The following ANO2 variants were observed in gnomAD, a reference collection of about 807,000 sequenced individuals.
ANO2 encodes the protein anoctamin-2.
Under a neutral mutation model 124.2 loss-of-function variants are expected in ANO2, and 101 were observed. That is an observed-to-expected ratio of 0.81 (90% CI 0.69 to 0.96). ANO2 has a LOEUF of 0.96. ANO2 is among the 40% of genes least tolerant of loss of function. The pLI is 0.00. For synonymous variants in ANO2, 486 were observed against 482.5 expected (o/e 1.01, Z -0.09); for missense variants, 1,293 against 1,274.5 (o/e 1.01, Z -0.22).
intron 10 of ANO2, among the ~76,000 whole-genome samples, chr12:5,786,250 T>C (rs997930748): frequency 1.1e-4 from 16 of 152,150 alleles, no homozygotes; most frequent in Non-Finnish European, 1.5e-4. Flanking sequence ...AAGTTAGTCC[T>C]GGAAGGAATG....
chr12:5,860,632 T>C (rs1955237970), intron 3 of ANO2, among the ~76,000 whole-genome samples: 1 of 152,204 alleles, frequency 6.6e-6, no homozygotes, highest in South Asian at 2.1e-4. Context: ...ATAATTCAAT[T>C]ACCCTTAAGT....
At chr12:5,852,767 A>G (rs1350789005) in intron 4 of ANO2, among the ~76,000 whole-genome samples, 7 of 152,096 alleles carry the variant, frequency 4.6e-5, no homozygotes, top group Admixed American at 2.0e-4. Context: ...GGGCAGCATG[A>G]AAACTATGAT....
chr12:5,678,404 C>T (rs1488554128), intron 14 of ANO2, among the ~76,000 whole-genome samples: 2 of 152,276 alleles, frequency 1.3e-5, no homozygotes, highest in African/African-American at 2.4e-5. Context: ...ATCCTCAGGG[C>T]GCCAACTGGG....
chr12:5,759,483 C>G (rs894449796), intron 10 of ANO2, among the ~76,000 whole-genome samples: 2 of 151,864 alleles, frequency 1.3e-5, no homozygotes, highest in Non-Finnish European at 2.9e-5. Context: ...GGAACCAGGC[C>G]ACACAGCAGG....
intron 10 of ANO2, among the ~76,000 whole-genome samples, chr12:5,775,216 C>A (rs188671143): frequency 1.3e-5 from 2 of 152,200 alleles, no homozygotes; most frequent in African/African-American, 4.8e-5. Flanking sequence ...AATTTCACCT[C>A]CCTTTTCTAC....
chr12:5,750,703 AT>A (rs1440098256), intron 11 of ANO2, 132 bp downstream of exon 11: 1 of 945,606 alleles, frequency 1.1e-6, no homozygotes, highest in Non-Finnish European at 1.5e-6. Flanking sequence ...GGAAAGCTAC[AT>A]GTGTCATAGC....
intron 20 of ANO2, among the ~76,000 whole-genome samples, chr12:5,597,110 C>A (rs773251060): frequency 2.6e-5 from 4 of 151,962 alleles, no homozygotes; most frequent in Non-Finnish European, 2.9e-5. Context: ...CTTTTTTTAA[C>A]TTTTAAGTTT....
At chr12:5,749,172 C>T (rs571060112) in intron 11 of ANO2, among the ~76,000 whole-genome samples, 1 of 152,178 alleles carries the variant, frequency 6.6e-6, no homozygotes, top group Non-Finnish European at 1.5e-5. Context: ...CACTGATGCA[C>T]GCATACCCTT....
chr12:5,731,300 C>T (rs1950622174), intron 14 of ANO2, among the ~76,000 whole-genome samples: 1 of 150,954 alleles, frequency 6.6e-6, no homozygotes, highest in Non-Finnish European at 1.5e-5. Flanking sequence ...ACTTGGTCTT[C>T]GTCTAGGAAA....
intron 1 of ANO2, among the ~76,000 whole-genome samples, chr12:5,944,121 G>A (rs1036539035): frequency 2.0e-5 from 3 of 152,222 alleles, no homozygotes; most frequent in Non-Finnish European, 2.9e-5. Flanking sequence ...AAGACACACT[G>A]AGAGGAGCAA....
intron 3 of ANO2, among the ~76,000 whole-genome samples, chr12:5,861,751 T>C (rs944882390): frequency 6.6e-6 from 1 of 152,104 alleles, no homozygotes; most frequent in Non-Finnish European, 1.5e-5. Context: ...ACAGACTCCC[T>C]TGGACTCCCC....
At chr12:5,886,298 T>C (rs150369556) in intron 3 of ANO2, among the ~76,000 whole-genome samples, 1 of 152,312 alleles carries the variant, frequency 6.6e-6, no homozygotes, top group East Asian at 1.9e-4. Flanking sequence ...TATTCAGCCT[T>C]AAAAAGGAAG....
chr12:5,729,999 A>C (rs1297854873), intron 14 of ANO2, among the ~76,000 whole-genome samples: 3 of 152,238 alleles, frequency 2.0e-5, no homozygotes, highest in Non-Finnish European at 4.4e-5. Flanking sequence ...CGGCTTGGCA[A>C]CTATTGGGTA....
rs1355179144 is a variant in ANO2, at chr12:5,862,937, C to T, written c.535-8796G>A. Among the ~76,000 whole-genome samples the T allele has an allele frequency of 2.0e-5, 3 of 152,040 alleles. No individual in the cohort carries two copies. On this transcript the variant is annotated intron_variant, in intron 3 of 24. Transcript: ENST00000682330. The surrounding 1 kb of genome is among the most constrained non-coding windows in gnomAD (Gnocchi z 4.0). The stretch of plus-strand genomic sequence containing the variant: ...TCCTGAGTAGCTGGGATTACAGGCA[C>T]CCACCACCACACCCAGCTAATTTTT...
chr12:5,714,250 C>T (rs1005211220), intron 14 of ANO2, among the ~76,000 whole-genome samples: 7 of 152,174 alleles, frequency 4.6e-5, no homozygotes, highest in Admixed American at 6.5e-5. Context: ...CTTATGTGTC[C>T]GAGTCTCTGA....
chr12:5,801,035 G>A, intron 9 of ANO2, among the ~76,000 whole-genome samples: 1 of 152,162 alleles, frequency 6.6e-6, no homozygotes. Flanking sequence ...CATCCAGGAA[G>A]CTAAGGGAAG....
chr12:5,575,909 A>AC lies in ANO2; in HGVS notation c.2545_2546insG (p.Phe849CysfsTer19). On this transcript the variant is annotated frameshift_variant, in exon 23 of 25. Coordinates refer to ENST00000682330, the MANE Select transcript of ANO2 (RefSeq NM_001364791.2). LOFTEE classifies it high-confidence loss of function. ...CTCCTTCAGCTGGCTGACGTTGAAA[A>AC]AGGAGAGGGTGTGGTTGACAAAGCC... 1 of 1,613,784 alleles carries AC rather than the reference A, an allele frequency of 6.2e-7. No individual in the cohort carries two copies. The highest frequency in any genetic ancestry group is 1.1e-5 in the South Asian group (1 of 90,954).
At chr12:5,590,166 G>A (rs1943323459) in intron 20 of ANO2, among the ~76,000 whole-genome samples, 2 of 152,182 alleles carry the variant, frequency 1.3e-5, no homozygotes. Flanking sequence ...GGACAGCTTT[G>A]AATGTGGCTC....
chr12:5,582,120 C>T (rs946777899), intron 20 of ANO2, among the ~76,000 whole-genome samples: 1 of 152,220 alleles, frequency 6.6e-6, no homozygotes, highest in African/African-American at 2.4e-5. Context: ...AGCAGCAAGC[C>T]TCCATTAGAA....
Sources: allele counts gnomAD v4.1 joint callset (sites outside exome capture counted in the v4.1 genomes callset), GRCh38; gene constraint gnomAD v4.1.1; non-coding constraint Gnocchi (gnomAD v3.1); transcripts MANE v1.5; gene names NCBI Gene and HGNC (gene_info 2026-07-23, HGNC 2026-07-21).